Variants in PATJ observed in about 807,000 individuals in gnomAD.
PATJ encodes PATJ crumbs cell polarity complex component, also known as inaD-like protein.
In PATJ, 190 loss-of-function variants were observed where a neutral mutation model predicts 224.9. The ratio of observed to expected loss-of-function variants is 0.84; its 90% confidence interval spans 0.75 to 0.95. The LOEUF (loss-of-function observed/expected upper bound fraction) is 0.95, where lower values mean the gene tolerates loss of function less well. Ranked by LOEUF, PATJ falls within the 40% of genes least tolerant of loss-of-function variation. The pLI is 0.00. For synonymous variants in PATJ, 769 were observed against 820.3 expected, an observed-to-expected ratio of 0.94 and a Z score of 1.07; for missense variants, 2,121 against 2,270.3, an observed-to-expected ratio of 0.93 and a Z score of 1.34.
intron 24 of PATJ, among the ~76,000 whole-genome samples, chr1:61,901,997 C>CCGA (rs1319873054): frequency 1.3e-5 from 2 of 152,060 alleles, no homozygotes; most frequent in African/African-American, 4.8e-5. Context: ...CCGAAGCAGG[C>CCGA]AGATCACTTG....
intron 32 of PATJ, among the ~76,000 whole-genome samples, chr1:62,082,054 A>C (rs958092256): frequency 6.6e-6 from 1 of 151,852 alleles, no homozygotes; most frequent in African/African-American, 2.4e-5. Flanking sequence ...TTTTTGTCTT[A>C]TTGGCAAGAT....
At chr1:62,047,946 T>A (rs543157900) in intron 30 of PATJ, among the ~76,000 whole-genome samples, 1 of 152,222 alleles carries the variant, frequency 6.6e-6, no homozygotes, top group Non-Finnish European at 1.5e-5. Flanking sequence ...GTGAGTCTTA[T>A]CTTCTGTAAG....
rs188024072 is a variant in PATJ, at chr1:62,077,136, C to T, written c.4126-2314C>T. On this transcript the variant is annotated intron_variant, in intron 31 of 43. Coordinates refer to ENST00000642238, the MANE Select transcript of PATJ (RefSeq NM_001350145.3). ...ATTCCAAGCAGTGAGAAGGGAAAGA[C>T]AGGATCTTTCTCCTTAGGAGAATGA... Among the ~76,000 whole-genome samples the T allele has an allele frequency of 3.3e-5, 5 of 152,306 alleles. No homozygotes were observed. The East Asian group carries it at 9.6e-4, about 29-fold the overall frequency.
rs1182239216 is a variant in PATJ, at chr1:62,019,603, C to G, written c.3959+1656C>G. On this transcript the variant is annotated intron_variant, in intron 29 of 43. Coordinates refer to ENST00000642238, the MANE Select transcript of PATJ (RefSeq NM_001350145.3). Reference sequence around the variant, plus strand: ...GCTTTCTAGTTTTTCACTCTATTTTCAGAGAGTGAAAGCTTCCTCCTTCAC... The same window carrying G: ...GCTTTCTAGTTTTTCACTCTATTTTGAGAGAGTGAAAGCTTCCTCCTTCAC... Among the ~76,000 whole-genome samples, 13 of 151,842 alleles carry G rather than the reference C, an allele frequency of 8.6e-5. 1 individual carries two copies. The East Asian group carries it at 2.3e-3, about 27-fold the overall frequency.
chr1:61,771,380 A>G, intron 5 of PATJ, 51 bp from the exon 6 acceptor site: 1 of 1,197,998 alleles, frequency 8.3e-7, no homozygotes, highest in African/African-American at 1.6e-5. Flanking sequence ...TAGATTTTTA[A>G]AAATCAGGTT....
chr1:61,864,201 G>C, intron 19 of PATJ, 37 bp from the exon 20 acceptor site: 1 of 1,546,346 alleles, frequency 6.5e-7, no homozygotes. Flanking sequence ...TTCAGGACAG[G>C]CGTAACTTCA....
At chr1:61,801,925 CTTTT>C (rs1036347925) in intron 12 of PATJ, among the ~76,000 whole-genome samples, 156 bp downstream of exon 12, 1 of 133,540 alleles carries the variant, frequency 7.5e-6, no homozygotes, top group Non-Finnish European at 1.6e-5. Context: ...GACAGAGTTT[CTTTT>C]TTTTTTCTTT....
At chr1:62,087,960 C>G (rs994020988) in intron 33 of PATJ, among the ~76,000 whole-genome samples, 1 of 150,542 alleles carries the variant, frequency 6.6e-6, no homozygotes. Context: ...GGTGCAATCT[C>G]GGCTCACCGC....
At chr1:61,922,820 T>A (rs1015753073) in intron 26 of PATJ, among the ~76,000 whole-genome samples, 2 of 152,264 alleles carry the variant, frequency 1.3e-5, no homozygotes, top group Non-Finnish European at 2.9e-5. Context: ...GTGAACCAGT[T>A]ACTGTGCAAC....
At chr1:62,039,298 A>G (rs551157792) in intron 30 of PATJ, among the ~76,000 whole-genome samples, 1 of 152,336 alleles carries the variant, frequency 6.6e-6, no homozygotes, top group Admixed American at 6.5e-5. Context: ...TATTAGTAAG[A>G]AAGGATCATG....
chr1:61,956,171 A>G (rs936067655), intron 27 of PATJ, among the ~76,000 whole-genome samples: 5 of 152,236 alleles, frequency 3.3e-5, no homozygotes, highest in African/African-American at 1.2e-4. Context: ...AAACTGACTT[A>G]TCTTCCATTG....
chr1:61,827,640 C>T (rs1005225671), intron 16 of PATJ, 57 bp downstream of exon 16: 152 of 1,520,470 alleles, frequency 1.0e-4, no homozygotes, highest in Middle Eastern at 1.8e-4. Flanking sequence ...AAAGATGCCC[C>T]GAAGACTGTG....
intron 7 of PATJ, among the ~76,000 whole-genome samples, chr1:61,785,845 T>G (rs527902379): frequency 4.6e-5 from 7 of 152,246 alleles, no homozygotes; most frequent in African/African-American, 1.7e-4. Context: ...CTGTACACAT[T>G]TTAAATGATA....
intron 31 of PATJ, among the ~76,000 whole-genome samples, chr1:62,075,777 G>A (rs2148709294): frequency 6.6e-6 from 1 of 152,160 alleles, no homozygotes; most frequent in African/African-American, 2.4e-5. Flanking sequence ...AATTAGCCAG[G>A]CGTGGTGGTG....
intron 30 of PATJ, among the ~76,000 whole-genome samples, chr1:62,043,783 A>G (rs557782454): frequency 3.4e-4 from 52 of 152,188 alleles, no homozygotes; most frequent in African/African-American, 1.2e-3. Context: ...GCTGGAGTGC[A>G]GTGGCATGAT....
chr1:62,009,908 C>A (rs1240844079), intron 28 of PATJ, among the ~76,000 whole-genome samples: 1 of 151,588 alleles, frequency 6.6e-6, no homozygotes, highest in Admixed American at 6.6e-5. Context: ...TATGGTGAAA[C>A]CCTATCTCTA....
intron 7 of PATJ, among the ~76,000 whole-genome samples, chr1:61,777,724 T>TTTTTTTTTTTTTTTTTTTTTTC (rs765662896): frequency 2.2e-4 from 23 of 106,030 alleles, no homozygotes; most frequent in African/African-American, 6.7e-4. Context: ...TTTTTTTTTT[T>TTTTTTTTTTTTTTTTTTTTTTC]TTTAGCATAG....
intron 27 of PATJ, among the ~76,000 whole-genome samples, chr1:61,945,208 T>C (rs1470873805): frequency 6.6e-6 from 1 of 152,076 alleles, no homozygotes; most frequent in Non-Finnish European, 1.5e-5. Flanking sequence ...AATGACAGGA[T>C]CAAATTCACA....
chr1:61,983,825 G>C (rs2149513451), intron 27 of PATJ, among the ~76,000 whole-genome samples: 1 of 152,112 alleles, frequency 6.6e-6, no homozygotes, highest in East Asian at 1.9e-4. Context: ...GGACCATGAA[G>C]ACAGATGGAC....
Sources: allele counts gnomAD v4.1 joint callset (sites outside exome capture counted in the v4.1 genomes callset), GRCh38; gene constraint gnomAD v4.1.1; transcripts MANE v1.5; gene names NCBI Gene and HGNC (gene_info 2026-07-23, HGNC 2026-07-21).